The following BSG variants were observed in gnomAD, a reference collection of about 807,000 sequenced individuals.
BSG encodes the protein basigin (Ok blood group).
Under a neutral mutation model 43.1 loss-of-function variants are expected in BSG, and 37 were observed. The ratio of observed to expected loss-of-function variants is 0.86; its 90% CI spans 0.66 to 1.13. The LOEUF (loss-of-function observed/expected upper bound fraction) is 1.13, where lower values mean the gene tolerates loss of function less well. Among genes scored for constraint, BSG ranks in the 50% most tolerant of loss-of-function variants. BSG has a pLI of 0.00. For missense variants in BSG, 599 were observed against 554.2 expected (o/e 1.08, Z -0.81); for synonymous variants, 309 against 238.7 (o/e 1.29, Z -2.72).
At chr19:582,696 G>A (rs1982440351) in intron 8 of BSG, 54 bp from the exon 9 acceptor site, 17 of 1,172,196 alleles carry the variant, frequency 1.5e-5, no homozygotes, top group Admixed American at 2.2e-5. Context: ...CCTGGGTCCC[G>A]CCTGTGGGTC....
intron 1 of BSG, among the ~76,000 whole-genome samples, chr19:576,369 C>T (rs1347791528): frequency 6.6e-6 from 1 of 152,236 alleles, no homozygotes; most frequent in Non-Finnish European, 1.5e-5. Flanking sequence ...CCTGCCCTGA[C>T]TCACCTCGCC....
In BSG at chr19:575,898, T is replaced by C. The variant is rs28921976; in HGVS notation, c.68-1876T>C. 8.1e-3 allele frequency among the ~76,000 whole-genome samples: 1,236 copies of C among 152,230 alleles called. 9 individuals carry two copies. Among genetic ancestry groups the C allele is most frequent in the Non-Finnish European group, 0.012 (817 of 67,970 alleles). On this transcript the variant is annotated intron_variant, in intron 1 of 8. Coordinates refer to ENST00000333511, the MANE Select transcript of BSG (RefSeq NM_001728.4). ...GGTGGTCCGTGGGGTGGGGGCGCTCTGCATTGTCCCCGAGGAGCCTCTATG... is the reference window on the plus strand; with the variant it reads ...GGTGGTCCGTGGGGTGGGGGCGCTCCGCATTGTCCCCGAGGAGCCTCTATG...
chr19:577,674 C>A, intron 1 of BSG, 100 bp from the exon 2 acceptor site: 1 of 1,043,446 alleles, frequency 9.6e-7, no homozygotes, highest in Non-Finnish European at 1.3e-6. Flanking sequence ...GGCTTCTCCA[C>A]CAGCCCTGGC....
Position 582,915 on chromosome 19 carries a change from C to T in BSG, c.*171C>T, listed in dbSNP as rs999699801. The T allele has an allele frequency of 2.5e-4, 94 of 374,590 alleles. No homozygotes were observed. The highest frequency in any genetic ancestry group is 6.8e-4 in the Middle Eastern group (2 of 2,954). 23.2% of individuals were successfully genotyped at this position (374,590 alleles called of 1,614,324 possible). The stretch of plus-strand genomic sequence containing the variant: ...AGTTGGGTTTTCTCCATTCAGGATT[C>T]TGTTCCTTAGGTTTTTTTCCTTCTG... On this transcript the variant is annotated 3_prime_UTR_variant, in exon 9 of 9. Transcript: ENST00000333511.
chr19:574,380 C>T (rs962471897), intron 1 of BSG, among the ~76,000 whole-genome samples: 3 of 152,054 alleles, frequency 2.0e-5, no homozygotes, highest in Non-Finnish European at 4.4e-5. Context: ...GGTGAAACCC[C>T]GTCTCTACTA....
intron 1 of BSG, among the ~76,000 whole-genome samples, chr19:574,116 G>A (rs182543989): frequency 2.0e-5 from 3 of 152,114 alleles, no homozygotes; most frequent in East Asian, 1.9e-4. Context: ...TTAGCTGGGC[G>A]TGTTGGCGCA....
At position 581,341 on chromosome 19, in the gene BSG, G is replaced by T; in HGVS notation, c.819G>T (p.Arg273Ser). The T allele has an allele frequency of 6.2e-7, 1 of 1,612,704 alleles. No individual in the cohort carries two copies. Among genetic ancestry groups the T allele is most frequent in the Non-Finnish European group, 8.5e-7 (1 of 1,179,848 alleles). ...DKALMNGSESRFFVSSSQGRS... is the reference protein window; with the variant it reads ...DKALMNGSESSFFVSSSQGRS... Reference sequence around the variant, plus strand: ...CCCTCATGAACGGCTCCGAGAGCAGGTTCTTCGTGAGTTCCTCGCAGGGCC... The same window carrying T: ...CCCTCATGAACGGCTCCGAGAGCAGTTTCTTCGTGAGTTCCTCGCAGGGCC... Residue 273 changes from arginine (R) to serine (S), a missense_variant, in exon 6 of 9, where the codon AGG becomes AGT. Coordinates refer to ENST00000333511, the MANE Select transcript of BSG (RefSeq NM_001728.4).
In BSG at chr19:582,585, G is replaced by A; in HGVS notation, c.*5+3G>A. ...CAGAGGAACTCTTCCTGAGGCAGGT[G>A]CGGTGGGCGGGAGCTCCTCCTGAGC... On this transcript the variant is annotated splice_donor_region_variant and intron_variant, in intron 8 of 8. Transcript: ENST00000333511. The A allele has an allele frequency of 6.3e-7, 1 of 1,588,648 alleles. No individual in the cohort carries two copies. The highest frequency in any genetic ancestry group is 8.6e-7 in the Non-Finnish European group (1 of 1,169,408).
chr19:577,700 C>G, intron 1 of BSG, 74 bp from the exon 2 acceptor site: 1 of 1,236,520 alleles, frequency 8.1e-7, no homozygotes, highest in African/African-American at 1.5e-5. Context: ...GTCCTGTGGG[C>G]GAGGCCTTCC....
upstream of BSG, chr19:571,489 G>A (rs1600467963): frequency 7.7e-6 from 6 of 778,072 alleles, no homozygotes; most frequent in Non-Finnish European, 1.2e-5. Flanking sequence ...GTTGCTGAGA[G>A]TCTGGGTTTA....
chr19:577,041 G>A (rs1281603625), intron 1 of BSG, among the ~76,000 whole-genome samples: 1 of 152,182 alleles, frequency 6.6e-6, no homozygotes, highest in Admixed American at 6.5e-5. Flanking sequence ...CAAGGTCCTG[G>A]CGGGAGGAGG....
Position 579,662 on chromosome 19 carries a change from T to A in BSG, c.572+6T>A. 6.2e-7 allele frequency: 1 copy of A among 1,601,868 alleles called. No individual in the cohort carries two copies. The highest frequency in any genetic ancestry group is 8.5e-7 in the Non-Finnish European group (1 of 1,173,780). On this transcript the variant is annotated splice_donor_region_variant and intron_variant, in intron 3 of 8. Coordinates refer to ENST00000333511, the MANE Select transcript of BSG (RefSeq NM_001728.4). The stretch of plus-strand genomic sequence containing the variant: ...GGCCAGAAAACGGAGTTCAAGTGAG[T>A]GCCTGACCACGCCATGCCGCCACCT...
At chr19:571,389 A>G (rs957809068), upstream of BSG, 9 of 626,498 alleles carry the variant, frequency 1.4e-5, no homozygotes, top group Admixed American at 2.7e-5. Context: ...CACACTTTCA[A>G]CCTCCAAGAG....
At chr19:572,528 A>T (rs183979701), upstream of BSG, 44 of 1,258,916 alleles carry the variant, frequency 3.5e-5, no homozygotes, top group South Asian at 8.8e-5. Context: ...CCCCGAGATG[A>T]CGCCGTGCGT....
intron 3 of BSG, 53 bp from the exon 4 acceptor site, chr19:580,326 T>TGGAGGC: frequency 6.4e-7 from 1 of 1,559,102 alleles, no homozygotes; most frequent in Non-Finnish European, 8.8e-7. Context: ...CCTGGGTCCT[T>TGGAGGC]GGAGGCGTCC....
chr19:572,581 G>A (rs1981344210), upstream of BSG: 4 of 1,436,172 alleles, frequency 2.8e-6, no homozygotes, highest in African/African-American at 4.4e-5. Context: ...TATAGCGGCC[G>A]CGGGCGGCGG....
chr19:572,471 C>T (rs932030622), upstream of BSG: 7 of 1,167,294 alleles, frequency 6.0e-6, no homozygotes, highest in African/African-American at 3.2e-5. Context: ...CGAGCGTGTG[C>T]GCGCGTGCGC....
rs370764898 is a variant in BSG at position 582,587 on chromosome 19, G to C, written c.*5+5G>C. On this transcript the variant is annotated splice_donor_5th_base_variant and intron_variant, in intron 8 of 8. Transcript: ENST00000333511. ...GAGGAACTCTTCCTGAGGCAGGTGC[G>C]GTGGGCGGGAGCTCCTCCTGAGCCA... is the stretch of plus-strand genomic sequence containing the variant. 1 of 1,583,230 alleles carries C rather than the reference G, an allele frequency of 6.3e-7. No individual in the cohort carries two copies. The highest frequency in any genetic ancestry group is 8.6e-7 in the Non-Finnish European group (1 of 1,166,174).
chr19:573,293 C>G (rs1212327241), intron 1 of BSG, among the ~76,000 whole-genome samples: 1 of 152,132 alleles, frequency 6.6e-6, no homozygotes, highest in Non-Finnish European at 1.5e-5. Flanking sequence ...GACGGGTCCA[C>G]CCTGCCTGCG....
Sources: allele counts gnomAD v4.1 joint callset (sites outside exome capture counted in the v4.1 genomes callset), GRCh38; gene constraint gnomAD v4.1.1; transcripts MANE v1.5; gene names NCBI Gene and HGNC (gene_info 2026-07-23, HGNC 2026-07-21).